FSTL5: variants seen among roughly 807,000 people sequenced by gnomAD.
FSTL5 encodes the protein follistatin-related protein 5.
FSTL5 carries 62 observed loss-of-function variants against 89.1 expected under a neutral mutation model. The ratio of observed to expected loss-of-function variants is 0.70; its 90% CI spans 0.57 to 0.86. FSTL5 has a LOEUF of 0.86. Ranked by LOEUF, FSTL5 falls within the 40% of genes least tolerant of loss-of-function variation. The pLI is 0.00. For missense variants in FSTL5, 1,057 were observed against 1,001.6 expected (o/e 1.06, Z -0.75); for synonymous variants, 383 against 346.2 (o/e 1.11, Z -1.18).
At chr4:161,976,073 G>A (rs1221717969) in intron 3 of FSTL5, among the ~76,000 whole-genome samples, 4 of 143,748 alleles carry the variant, frequency 2.8e-5, no homozygotes, top group African/African-American at 1.0e-4. Context: ...AGCCGAGATC[G>A]CGTCACTGCA....
chr4:161,994,164 A>G (rs1292734125), intron 3 of FSTL5, among the ~76,000 whole-genome samples: 1 of 152,016 alleles, frequency 6.6e-6, no homozygotes, highest in African/African-American at 2.4e-5. Context: ...TTCTGTTCCT[A>G]TGTTAGTTTG....
chr4:162,096,170 T>C (rs1289566883), intron 2 of FSTL5, among the ~76,000 whole-genome samples: 1 of 151,844 alleles, frequency 6.6e-6, no homozygotes, highest in African/African-American at 2.4e-5. Context: ...CTGAAAAAAA[T>C]TTTTGAATCA....
intron 1 of FSTL5, among the ~76,000 whole-genome samples, chr4:162,162,351 T>C (rs140889033): frequency 2.3e-3 from 343 of 152,288 alleles, no homozygotes; most frequent in African/African-American, 7.0e-3. Flanking sequence ...ATAATACTTA[T>C]TAAGTACGAA....
intron 8 of FSTL5, among the ~76,000 whole-genome samples, chr4:161,551,702 C>G (rs1320272714): frequency 6.6e-6 from 1 of 151,980 alleles, no homozygotes; most frequent in Non-Finnish European, 1.5e-5. Context: ...ACCGTCTGAT[C>G]TTTGACAAAC....
At chr4:162,004,727 G>A (rs979932815) in intron 3 of FSTL5, among the ~76,000 whole-genome samples, 6 of 151,970 alleles carry the variant, frequency 3.9e-5, no homozygotes, top group Admixed American at 3.3e-4. Context: ...AAGTAAACTT[G>A]TTTATTTGGG....
chr4:162,130,414 C>G (rs1465726030), intron 1 of FSTL5, among the ~76,000 whole-genome samples: 1 of 152,210 alleles, frequency 6.6e-6, no homozygotes, highest in Non-Finnish European at 1.5e-5. Context: ...ATTAGAAAGG[C>G]GTAAGAACTA....
intron 3 of FSTL5, among the ~76,000 whole-genome samples, chr4:162,016,414 C>A (rs1736917181): frequency 6.6e-6 from 1 of 152,086 alleles, no homozygotes; most frequent in African/African-American, 2.4e-5. Context: ...TCACATCAAC[C>A]CTATGGAAAA....
At chr4:162,069,164 T>C (rs1553996578) in intron 2 of FSTL5, among the ~76,000 whole-genome samples, 2 of 152,028 alleles carry the variant, frequency 1.3e-5, no homozygotes, top group Non-Finnish European at 2.9e-5. Context: ...GAATCATTAG[T>C]CCTTTGATTT....
At chr4:161,958,492 A>G (rs1735084583) in intron 3 of FSTL5, among the ~76,000 whole-genome samples, 1 of 152,160 alleles carries the variant, frequency 6.6e-6, no homozygotes, top group African/African-American at 2.4e-5. Context: ...ATTAAGTTGC[A>G]TAGACACAAT....
At chr4:161,705,153 A>G (rs978241397) in intron 6 of FSTL5, among the ~76,000 whole-genome samples, 2 of 152,046 alleles carry the variant, frequency 1.3e-5, no homozygotes, top group Non-Finnish European at 2.9e-5. Context: ...TACAAGAATA[A>G]CATCTTATTC....
At chr4:161,436,923 G>T (rs540987447) in intron 15 of FSTL5, among the ~76,000 whole-genome samples, 8 of 152,224 alleles carry the variant, frequency 5.3e-5, no homozygotes, top group African/African-American at 1.9e-4. Context: ...ACTTAACATT[G>T]TGAATTTGTA....
chr4:161,417,446 AT>A (rs1160113552), intron 15 of FSTL5, among the ~76,000 whole-genome samples: 1 of 152,196 alleles, frequency 6.6e-6, no homozygotes, highest in Admixed American at 6.5e-5. Context: ...TAGAGTTGCT[AT>A]TTTATTTAAC....
At chr4:161,933,345 C>T (rs1734343975) in intron 3 of FSTL5, among the ~76,000 whole-genome samples, 1 of 152,000 alleles carries the variant, frequency 6.6e-6, no homozygotes, top group South Asian at 2.1e-4. Flanking sequence ...AATTCTGGCT[C>T]ATGTTGAGGT....
chr4:161,760,760 T>C (rs1193755632), intron 5 of FSTL5, among the ~76,000 whole-genome samples: 2 of 152,214 alleles, frequency 1.3e-5, no homozygotes, highest in Non-Finnish European at 2.9e-5. Context: ...TTTCTTTTGG[T>C]GGAGCAGAAT....
intron 3 of FSTL5, among the ~76,000 whole-genome samples, chr4:162,011,010 G>T (rs1736750400): frequency 6.6e-6 from 1 of 152,106 alleles, no homozygotes; most frequent in Non-Finnish European, 1.5e-5. Context: ...ATTAGTTTTT[G>T]AAGAATTCTG....
intron 6 of FSTL5, among the ~76,000 whole-genome samples, chr4:161,755,966 G>A (rs768005463): frequency 6.6e-6 from 1 of 151,980 alleles, no homozygotes; most frequent in African/African-American, 2.4e-5. Context: ...AAATCGATAA[G>A]TATTTATAAT....
chr4:161,774,653 A>AT (rs1225872907), intron 5 of FSTL5, among the ~76,000 whole-genome samples: 29 of 148,274 alleles, frequency 2.0e-4, no homozygotes, highest in African/African-American at 7.1e-4. Context: ...AAAACAATTG[A>AT]TAAAAATTAA....
rs190504507 is a variant in FSTL5, at chr4:161,836,917, A to C, written c.410-60843T>G. Reference sequence around the variant, plus strand: ...TGTTGACTTCATTCTTTGAGATAGGAACAAAAAGAGGAAGAATAGTTTTGT... The same window carrying C: ...TGTTGACTTCATTCTTTGAGATAGGCACAAAAAGAGGAAGAATAGTTTTGT... On this transcript the variant is annotated intron_variant, in intron 4 of 15. Transcript: ENST00000306100. 9.9e-5 allele frequency among the ~76,000 whole-genome samples: 15 copies of C among 152,208 alleles called. No homozygotes were observed. The East Asian group carries it at 2.9e-3, about 29-fold the overall frequency.
chr4:161,438,560 T>C (rs1320380403), intron 15 of FSTL5, among the ~76,000 whole-genome samples: 1 of 152,206 alleles, frequency 6.6e-6, no homozygotes, highest in African/African-American at 2.4e-5. Context: ...ATGATGTTTT[T>C]ACAATTTCTC....
Sources: allele counts gnomAD v4.1 joint callset (sites outside exome capture counted in the v4.1 genomes callset), GRCh38; gene constraint gnomAD v4.1.1; transcripts MANE v1.5; gene names NCBI Gene and HGNC (gene_info 2026-07-23, HGNC 2026-07-21).